The following VIPR2 variants were observed in gnomAD, a reference collection of about 807,000 sequenced individuals.
VIPR2 encodes vasoactive intestinal peptide receptor 2, also known as vasoactive intestinal polypeptide receptor 2.
A neutral mutation model predicts 58.0 loss-of-function variants in VIPR2; 48 were observed. The observed-to-expected ratio is 0.83, with a 90% CI of 0.66 to 1.05. The LOEUF (loss-of-function observed/expected upper bound fraction) is 1.05. Ranked by LOEUF, VIPR2 falls within the 50% of genes least tolerant of loss-of-function variation. The pLI is 0.00. For synonymous variants in VIPR2, 243 were observed against 235.2 expected (o/e 1.03, Z -0.30); for missense variants, 534 against 558.0 (o/e 0.96, Z 0.43).
intron 4 of VIPR2, among the ~76,000 whole-genome samples, chr7:159,062,842 C>G (rs1329977023): frequency 9.0e-6 from 1 of 110,822 alleles, no homozygotes; most frequent in East Asian, 2.7e-4. Flanking sequence ...GCTGATTGGT[C>G]TGTTTTACTG....
At position 159,144,859 on chromosome 7, in the gene VIPR2, A is replaced by T; in HGVS notation, c.-88T>A. 8.4e-7 allele frequency: 1 copy of T among 1,185,248 alleles called. No individual in the cohort carries two copies. The highest frequency in any genetic ancestry group is 1.1e-6 in the Non-Finnish European group (1 of 947,948). 73.4% of individuals were successfully genotyped at this position (1,185,248 alleles called of 1,614,324 possible). ...TCCGCCGCCTCCAGCATGGGCCGGG[A>T]GCGAGTGCGCGGAGACCTCGGGCCC... On this transcript the variant is annotated 5_prime_UTR_variant, in exon 1 of 13. Coordinates refer to ENST00000262178, the MANE Select transcript of VIPR2 (RefSeq NM_003382.5).
At chr7:159,112,293 TGAGGAAGCGGACTC>T (rs1347555240) in intron 2 of VIPR2, among the ~76,000 whole-genome samples, 1 of 152,172 alleles carries the variant, frequency 6.6e-6, no homozygotes, top group Non-Finnish European at 1.5e-5. Context: ...TGTCAGGATG[TGAGGAAGCGGACTC>T]GAGGGCGTCA....
At chr7:159,058,705 T>TA in intron 4 of VIPR2, 127 bp from the exon 5 acceptor site, 4 of 680,950 alleles carry the variant, frequency 5.9e-6, no homozygotes, top group Non-Finnish European at 7.4e-6. Flanking sequence ...AGGCACGAGA[T>TA]AGTCTCGCTT....
intron 4 of VIPR2, among the ~76,000 whole-genome samples, chr7:159,094,841 G>A (rs1192991981): frequency 6.6e-6 from 1 of 152,226 alleles, no homozygotes; most frequent in Admixed American, 6.5e-5. Context: ...TATAGAAACA[G>A]AGACATTTGG....
At chr7:159,039,276 T>C (rs1854168473) in intron 6 of VIPR2, among the ~76,000 whole-genome samples, 1 of 151,894 alleles carries the variant, frequency 6.6e-6, no homozygotes, top group Non-Finnish European at 1.5e-5. Flanking sequence ...CTGGCCAACA[T>C]AGTGAAACCC....
At position 159,031,834 on chromosome 7, in the gene VIPR2, G is replaced by C. The variant is rs763870258; in HGVS notation, c.1137C>G (p.Asn379Lys). Residue 379 changes from asparagine (N) to lysine (K), a missense_variant, in exon 12 of 13, where the codon AAC (asparagine) becomes AAG (lysine). Physicochemically the swap from Asn to Lys is moderately conservative, Grantham distance 94. Coordinates refer to ENST00000262178, the MANE Select transcript of VIPR2 (RefSeq NM_003382.5). The surrounding 1 kb of genome is among the most constrained non-coding windows in gnomAD (Gnocchi z 4.0). Reference protein sequence around the residue: ...LVVAVLYCFLNSEVQCELKRK... With the variant: ...LVVAVLYCFLKSEVQCELKRK... ...AAGGCGGCCATGAACTTACCTCACT[G>C]TTCAGGAAACAGTAGAGGACGGCCA... The C allele has an allele frequency of 3.1e-6, 5 of 1,614,028 alleles. No homozygotes were observed. The highest frequency in any genetic ancestry group is 4.2e-6 in the Non-Finnish European group (5 of 1,180,026).
Position 159,031,427 on chromosome 7 carries a change from C to A in VIPR2, c.1143+401G>T, listed in dbSNP as rs1239463347. On this transcript the variant is annotated intron_variant, in intron 12 of 12. Transcript: ENST00000262178. The surrounding 1 kb of genome is among the most constrained non-coding windows in gnomAD (Gnocchi z 4.0). ...GGCAGAGCTCGGCTCCGGGCTTCCT[C>A]CCCAGGGACTCACAGGACGCTGTGC... The A allele has an allele frequency of 1.0e-6, 1 of 984,912 alleles. No homozygotes were observed. Among genetic ancestry groups the A allele is most frequent in the African/African-American group, 1.7e-5 (1 of 57,230 alleles). The allele number at this position is 984,912 out of a possible 1,614,324, so 61.0% of individuals were successfully genotyped here.
intron 6 of VIPR2, among the ~76,000 whole-genome samples, chr7:159,042,309 A>T (rs548112924): frequency 1.3e-5 from 2 of 152,164 alleles, no homozygotes; most frequent in Non-Finnish European, 2.9e-5. Context: ...CTTCACAAAG[A>T]TGCCGAGCAT....
intron 2 of VIPR2, among the ~76,000 whole-genome samples, chr7:159,139,500 G>A (rs1371018572): frequency 6.6e-6 from 1 of 152,226 alleles, no homozygotes; most frequent in Non-Finnish European, 1.5e-5. Context: ...AGGCGACGTT[G>A]TTAGCCTGCA....
chr7:159,031,618 G>A lies in VIPR2; in HGVS notation c.1143+210C>T. On this transcript the variant is annotated intron_variant, in intron 12 of 12. Transcript: ENST00000262178. This position sits in a 1 kb window ranked among gnomAD's most constrained non-coding sequence, Gnocchi z 4.0. ...TCGATGCTACTTAGGGTGGACGGAA[G>A]GACGGCGGGGTTTGGAAGCTGGGCC... 3.0e-6 allele frequency: 3 copies of A among 985,436 alleles called. No homozygotes were observed. The highest frequency in any genetic ancestry group is 3.6e-6 in the Non-Finnish European group (3 of 829,940). 61.0% of individuals were successfully genotyped at this position (985,436 alleles called of 1,614,324 possible). A position where few individuals can be genotyped will look rare whatever the true frequency, so the allele number is the denominator to read the frequency against.
intron 10 of VIPR2, 115 bp from the exon 11 acceptor site, chr7:159,032,182 C>A: frequency 4.2e-6 from 6 of 1,426,272 alleles, no homozygotes; most frequent in Non-Finnish European, 5.7e-6. Context: ...CACACCTCCT[C>A]TCCACTGCTG....
intron 3 of VIPR2, among the ~76,000 whole-genome samples, chr7:159,106,487 A>G (rs1858661611): frequency 7.4e-6 from 1 of 134,392 alleles, no homozygotes; most frequent in African/African-American, 2.9e-5. Flanking sequence ...GGGCAGAGAG[A>G]GGCCGGGGAG....
At chr7:159,032,672 A>G (rs779649994) in intron 10 of VIPR2, among the ~76,000 whole-genome samples, 2 of 152,156 alleles carry the variant, frequency 1.3e-5, no homozygotes, top group Non-Finnish European at 2.9e-5. Context: ...TTCTGTGACC[A>G]GAGTTACACA....
intron 2 of VIPR2, among the ~76,000 whole-genome samples, chr7:159,135,779 T>C (rs1040484536): frequency 2.0e-5 from 3 of 152,180 alleles, no homozygotes; most frequent in Admixed American, 1.3e-4. Context: ...GTTGAGATCA[T>C]GCTATTGCAC....
rs1275344762 is a variant in VIPR2 at position 159,095,532 on chromosome 7, GT to G, written c.357+8224del. On this transcript the variant is annotated intron_variant, in intron 4 of 12. Transcript: ENST00000262178. This position sits in a 1 kb window ranked among gnomAD's most constrained non-coding sequence, Gnocchi z 5.2. ...GGCAAAGCACGTATAAATTTAAGTG[GT>G]TTTTTTAGTACTTAAAATTTGATTT... 6.6e-6 allele frequency among the ~76,000 whole-genome samples: 1 copy of G among 152,140 alleles called. No homozygotes were observed. Among genetic ancestry groups the G allele is most frequent in the African/African-American group, 2.4e-5 (1 of 41,434 alleles).
At chr7:159,070,047 G>A (rs796462798) in intron 4 of VIPR2, among the ~76,000 whole-genome samples, 4 of 152,248 alleles carry the variant, frequency 2.6e-5, no homozygotes, top group African/African-American at 7.2e-5. Flanking sequence ...TGCTTTGTCC[G>A]GTACCTCCAG....
chr7:159,105,805 C>A (rs1858609606), intron 3 of VIPR2, among the ~76,000 whole-genome samples: 1 of 152,216 alleles, frequency 6.6e-6, no homozygotes, highest in Admixed American at 6.5e-5. Context: ...GACAAGGAGA[C>A]AGGTCCACAA....
intron 2 of VIPR2, among the ~76,000 whole-genome samples, chr7:159,132,852 C>CTGATTTCAGACAGAATGATTGGCATACA (rs1210048587): frequency 1.0e-4 from 4 of 39,918 alleles, no homozygotes; most frequent in African/African-American, 3.1e-4. Flanking sequence ...ATTGGCATAC[C>CTGATTTCAGACAGAATGATTGGCATACA]GATTGATTTT....
intron 4 of VIPR2, among the ~76,000 whole-genome samples, chr7:159,073,414 TG>T (rs1388348166): frequency 6.6e-6 from 1 of 152,156 alleles, no homozygotes; most frequent in Non-Finnish European, 1.5e-5. Flanking sequence ...CACTTGTCCT[TG>T]TTTATTTATT....
Sources: gnomAD v4.1 joint callset for allele counts (sites outside exome capture counted in the v4.1 genomes callset) on GRCh38, gnomAD v4.1.1 for gene constraint, Gnocchi (gnomAD v3.1) non-coding constraint, MANE v1.5 for transcripts, NCBI Gene and HGNC (gene_info 2026-07-23, HGNC 2026-07-21) for gene names.